BRWD3: variants seen among roughly 807,000 people sequenced by gnomAD.
BRWD3 encodes bromodomain and WD repeat-containing protein 3.
A neutral mutation model predicts 149.7 loss-of-function variants in BRWD3; 10 were observed. That is an observed-to-expected ratio of 0.07 (90% CI 0.04 to 0.11). The LOEUF is 0.11. Among genes scored for constraint, BRWD3 ranks in the 10% least tolerant of loss-of-function variants. The pLI is 1.00. For missense variants in BRWD3, 940 were observed against 1,373.2 expected (o/e 0.68, Z 4.99); for synonymous variants, 504 against 456.7 (o/e 1.10, Z -1.32).
intron 23 of BRWD3, among the ~76,000 whole-genome samples, 174 bp downstream of exon 23, chrX:80,704,504 G>C (rs1014770125): frequency 1.8e-5 from 2 of 111,809 alleles, no homozygotes; most frequent in Non-Finnish European, 3.8e-5. Context: ...CTCTACCTTT[G>C]ATAACAGAAA....
At chrX:80,713,703 A>T (rs2073031843) in intron 20 of BRWD3, among the ~76,000 whole-genome samples, 1 of 111,929 alleles carries the variant, frequency 8.9e-6, no homozygotes, top group Admixed American at 9.4e-5. Context: ...AATAAAAAAT[A>T]AAAAAAACAA....
At chrX:80,739,193 A>G (rs759717914) in intron 8 of BRWD3, among the ~76,000 whole-genome samples, 1 of 111,890 alleles carries the variant, frequency 8.9e-6, no homozygotes, top group African/African-American at 3.3e-5. Flanking sequence ...CTTTGATGGT[A>G]GAACCAACAT....
chrX:80,760,296 T>C (rs2073789359), intron 6 of BRWD3, among the ~76,000 whole-genome samples: 1 of 111,814 alleles, frequency 8.9e-6, no homozygotes, highest in South Asian at 3.7e-4. Context: ...TAATTTTCTG[T>C]GTTTTCTCAA....
intron 6 of BRWD3, among the ~76,000 whole-genome samples, chrX:80,763,116 C>CA (rs1206151869): frequency 9.0e-6 from 1 of 111,487 alleles, no homozygotes; most frequent in Non-Finnish European, 1.9e-5. Flanking sequence ...ATATGCCAGG[C>CA]ACTATTCTAA....
At position 80,755,343 on chromosome X, in the gene BRWD3, A is replaced by G. The variant is rs1003372339; in HGVS notation, c.431-9614T>C. ...TGATTTGGTAAAAAAAAGTTAACAG[A>G]TAAGGTGCAATATAGGAAATATAAA... On this transcript the variant is annotated intron_variant, in intron 6 of 40. Transcript: ENST00000373275. Among the ~76,000 whole-genome samples, 21 of 112,172 alleles carry G rather than the reference A, an allele frequency of 1.9e-4. 1 individual carries two copies. The highest frequency in any genetic ancestry group is 6.8e-4 in the African/African-American group (21 of 30,953).
chrX:80,806,652 T>C (rs1234338973), intron 4 of BRWD3, among the ~76,000 whole-genome samples: 1 of 112,274 alleles, frequency 8.9e-6, no homozygotes, highest in Non-Finnish European at 1.9e-5. Flanking sequence ...AAGTTATTAG[T>C]AAAAATCTGG....
chrX:80,712,842 C>T (rs1289349015), intron 20 of BRWD3, among the ~76,000 whole-genome samples: 27 of 107,214 alleles, frequency 2.5e-4, no homozygotes, highest in South Asian at 4.4e-4. Context: ...CCAGCCGCCC[C>T]GTCTGAGAAG....
intron 25 of BRWD3, among the ~76,000 whole-genome samples, chrX:80,698,941 C>T (rs930270822): frequency 4.5e-5 from 5 of 110,269 alleles, no homozygotes; most frequent in Admixed American, 3.9e-4. Flanking sequence ...CAGCTGGGCA[C>T]GGTGGCTCAT....
intron 6 of BRWD3, among the ~76,000 whole-genome samples, chrX:80,776,840 C>T (rs933561604): frequency 3.6e-5 from 4 of 111,180 alleles, no homozygotes; most frequent in Admixed American, 9.6e-5. Context: ...CCACTTGTTC[C>T]AATTTGCCTC....
rs761487755 is a variant in BRWD3, at chrX:80,683,997, CTAA to C, written c.4233+10_4233+12del. On this transcript the variant is annotated intron_variant, in intron 37 of 40. Coordinates refer to ENST00000373275, the MANE Select transcript of BRWD3 (RefSeq NM_153252.5). ...GAAAACTGCCTGATAATTAACCCAA[CTAA>C]TAATCATACCCTTGACTTTTTATTA... 15 of 1,204,187 alleles carry C rather than the reference CTAA, an allele frequency of 1.2e-5. No homozygotes were observed. Among genetic ancestry groups the C allele is most frequent in the Non-Finnish European group, 1.7e-5 (15 of 889,675 alleles).
At chrX:80,797,877 C>G (rs769668028) in intron 4 of BRWD3, among the ~76,000 whole-genome samples, 1 of 110,896 alleles carries the variant, frequency 9.0e-6, no homozygotes, top group African/African-American at 3.3e-5. Flanking sequence ...GGATGGATCA[C>G]AGGGTCAGAA....
At chrX:80,712,980 C>T (rs865810416) in intron 20 of BRWD3, among the ~76,000 whole-genome samples, 6 of 108,440 alleles carry the variant, frequency 5.5e-5, no homozygotes, top group Admixed American at 9.5e-5. Flanking sequence ...AAGTGAGGAG[C>T]GTCTCCGCCC....
intron 20 of BRWD3, among the ~76,000 whole-genome samples, chrX:80,713,254 G>A (rs1252006136): frequency 9.0e-6 from 1 of 111,590 alleles, no homozygotes; most frequent in Non-Finnish European, 1.9e-5. Flanking sequence ...AGAAAAGGGG[G>A]AAAGGTGGGG....
At chrX:80,807,503 T>G (rs2074359379) in intron 4 of BRWD3, among the ~76,000 whole-genome samples, 1 of 112,132 alleles carries the variant, frequency 8.9e-6, no homozygotes, top group Non-Finnish European at 1.9e-5. Flanking sequence ...TGTCCGATTT[T>G]CCTCCACTTG....
intron 6 of BRWD3, among the ~76,000 whole-genome samples, chrX:80,767,807 A>T (rs1204746053): frequency 8.9e-6 from 1 of 111,810 alleles, no homozygotes; most frequent in African/African-American, 3.3e-5. Flanking sequence ...GTTCGAACCC[A>T]TTGCAAGGAA....
intron 6 of BRWD3, among the ~76,000 whole-genome samples, chrX:80,764,725 A>G (rs2073840373): frequency 9.0e-6 from 1 of 111,261 alleles, no homozygotes; most frequent in African/African-American, 3.3e-5. Context: ...GCCCATGTGA[A>G]AAGAATGAAA....
In BRWD3 at chrX:80,670,337, A is replaced by G. The variant is rs1012896165; in HGVS notation, c.*6272T>C. 9.0e-6 allele frequency among the ~76,000 whole-genome samples: 1 copy of G among 111,427 alleles called. No individual in the cohort carries two copies. The highest frequency in any genetic ancestry group is 1.9e-5 in the Non-Finnish European group (1 of 53,144). ...CAAAAGATCAACTCACAGGCTCAAT[A>G]TATTGGTTTTATTTTGCACATTTTG... On this transcript the variant is annotated 3_prime_UTR_variant, in exon 41 of 41. Coordinates refer to ENST00000373275, the MANE Select transcript of BRWD3 (RefSeq NM_153252.5).
intron 3 of BRWD3, 36 bp from the exon 4 acceptor site, chrX:80,808,634 G>C: frequency 8.5e-7 from 1 of 1,173,675 alleles, no homozygotes; most frequent in Non-Finnish European, 1.2e-6. Flanking sequence ...GGAAGCGGAG[G>C]CAAATGATGA....
At chrX:80,734,947 A>C (rs1191042070) in intron 10 of BRWD3, among the ~76,000 whole-genome samples, 180 bp downstream of exon 10, 1 of 111,411 alleles carries the variant, frequency 9.0e-6, no homozygotes, top group Non-Finnish European at 1.9e-5. Context: ...ATAAGGAAAA[A>C]AAAATCAACC....
Sources: allele counts gnomAD v4.1 joint callset (sites outside exome capture counted in the v4.1 genomes callset), GRCh38; gene constraint gnomAD v4.1.1; transcripts MANE v1.5; gene names NCBI Gene and HGNC (gene_info 2026-07-23, HGNC 2026-07-21).